The following IKZF2 variants were observed in gnomAD, a reference collection of about 807,000 sequenced individuals.
The protein encoded by IKZF2 is IKAROS family zinc finger 2, also known as zinc finger protein Helios.
In IKZF2, 15 loss-of-function variants were observed where a neutral mutation model predicts 49.2. The ratio of observed to expected loss-of-function variants is 0.30; its 90% CI spans 0.20 to 0.47. IKZF2 has a LOEUF of 0.47. Ranked by LOEUF, IKZF2 falls within the 20% of genes least tolerant of loss-of-function variation. The pLI is 1.00. For synonymous variants in IKZF2, 227 were observed against 221.4 expected (o/e 1.03, Z -0.23); for missense variants, 567 against 664.6 (o/e 0.85, Z 1.61).
At chr2:213,054,144 T>G (rs887066088) in intron 5 of IKZF2, among the ~76,000 whole-genome samples, 2 of 152,012 alleles carry the variant, frequency 1.3e-5, no homozygotes, top group African/African-American at 4.8e-5. Flanking sequence ...CTTTGGAGGC[T>G]GAGGCAGGAG....
intron 4 of IKZF2, among the ~76,000 whole-genome samples, chr2:213,111,233 T>C (rs962711788): frequency 6.6e-6 from 1 of 152,060 alleles, no homozygotes; most frequent in African/African-American, 2.4e-5. Context: ...CTATTACTTA[T>C]ATGGTTAACT....
rs1559150012 is a variant in IKZF2, at chr2:213,005,198, G to GT, written c.*2161_*2162insA. 3 of 128,302 alleles carry GT rather than the reference G, an allele frequency of 2.3e-5. 1 individual carries two copies. Among genetic ancestry groups the GT allele is most frequent in the African/African-American group, 8.4e-5 (3 of 35,648 alleles). 7.9% of individuals were successfully genotyped at this position (128,302 alleles called of 1,614,324 possible). A position where few individuals can be genotyped will look rare whatever the true frequency, so the allele number is the denominator to read the frequency against. On this transcript the variant is annotated 3_prime_UTR_variant, in exon 9 of 9. Coordinates refer to ENST00000434687, the MANE Select transcript of IKZF2 (RefSeq NM_001387220.1). The stretch of plus-strand genomic sequence containing the variant: ...TATTTGGGAGTGGTTGGGTGGGGGG[G>GT]GGTGAGCGAGTCTCAAAAACATGCT...
intron 4 of IKZF2, chr2:213,097,976 A>G: frequency 3.3e-6 from 1 of 307,166 alleles, no homozygotes. Flanking sequence ...AATTAGAGAA[A>G]GCTTTTTTTA....
rs1278144454 is a variant in IKZF2, at chr2:213,007,558, G to A, written c.1383C>T (p.Phe461=). Residue 461 remains phenylalanine, a synonymous_variant, in exon 9 of 9, where the codon TTC becomes TTT. Transcript: ENST00000434687. Reference sequence around the variant, plus strand: ...CCCTAATCTGTTCTCCTTCTCCATTGAAGACCTTGTAGATGTCCTTCAGAG... The same window carrying A: ...CCCTAATCTGTTCTCCTTCTCCATTAAAGACCTTGTAGATGTCCTTCAGAG... ...KGSLKDIYKV[F]NGEGEQIRAF... 6.2e-7 allele frequency: 1 copy of A among 1,613,672 alleles called. No homozygotes were observed. The highest frequency in any genetic ancestry group is 1.7e-5 in the Admixed American group (1 of 59,968).
At chr2:213,106,549 C>T (rs2059535143) in intron 4 of IKZF2, among the ~76,000 whole-genome samples, 1 of 149,762 alleles carries the variant, frequency 6.7e-6, no homozygotes, top group Non-Finnish European at 1.5e-5. Context: ...GTGAGAGGAT[C>T]TCTTGAGCCC....
chr2:213,092,481 G>T (rs1705461861), intron 4 of IKZF2, among the ~76,000 whole-genome samples: 1 of 152,162 alleles, frequency 6.6e-6, no homozygotes. Flanking sequence ...CACGCAGAGA[G>T]TTGGTAAACC....
intron 6 of IKZF2, among the ~76,000 whole-genome samples, chr2:213,031,745 A>T (rs1698456606): frequency 6.6e-6 from 1 of 152,222 alleles, no homozygotes; most frequent in South Asian, 2.1e-4. Context: ...CTTATTTTGA[A>T]CATTGCTAAT....
chr2:213,093,945 A>T (rs79167296), intron 4 of IKZF2, among the ~76,000 whole-genome samples: 1,918 of 152,294 alleles, frequency 0.013, 36 homozygotes, highest in African/African-American at 0.044. Context: ...GGAAGTTAGT[A>T]AAAGTTTCAA....
Position 213,007,576 on chromosome 2 carries a change from C to T in IKZF2, c.1365G>A (p.Lys455=), listed in dbSNP as rs1317547223. The change falls in exon 9 of 9, where the codon AAG becomes AAA. Residue 455 remains lysine (K), a synonymous_variant. Transcript: ENST00000434687. ...CTCCATTGAAGACCTTGTAGATGTCCTTCAGAGAGCCCTTAGGAGCCTTGG... is the reference window on the plus strand; with the variant it reads ...CTCCATTGAAGACCTTGTAGATGTCTTTCAGAGAGCCCTTAGGAGCCTTGG... ...DTTKAPKGSL[K]DIYKVFNGEG... is the part of the protein sequence containing the mutation. The T allele has an allele frequency of 3.7e-6, 6 of 1,613,578 alleles. No individual in the cohort carries two copies. The highest frequency in any genetic ancestry group is 5.1e-6 in the Non-Finnish European group (6 of 1,179,748).
At chr2:213,054,573 T>C (rs1700969825) in intron 5 of IKZF2, among the ~76,000 whole-genome samples, 2 of 152,308 alleles carry the variant, frequency 1.3e-5, no homozygotes, top group East Asian at 3.9e-4. Context: ...TTGAAGTGTC[T>C]AGTTTAATGA....
chr2:213,110,008 C>G (rs569519589), intron 4 of IKZF2, among the ~76,000 whole-genome samples: 1 of 152,078 alleles, frequency 6.6e-6, no homozygotes, highest in South Asian at 2.1e-4. Flanking sequence ...AACAAATGAT[C>G]TGAGTGTAAG....
chr2:213,096,835 C>A (rs1049443681), intron 4 of IKZF2, among the ~76,000 whole-genome samples: 13 of 151,900 alleles, frequency 8.6e-5, no homozygotes, highest in Admixed American at 2.6e-4. Flanking sequence ...AACAACATTA[C>A]CAATGTAATG....
At chr2:213,110,506 T>G (rs2059670564) in intron 4 of IKZF2, among the ~76,000 whole-genome samples, 1 of 151,980 alleles carries the variant, frequency 6.6e-6, no homozygotes, top group Non-Finnish European at 1.5e-5. Context: ...TTCTTATTTT[T>G]TATATACTTG....
intron 7 of IKZF2, among the ~76,000 whole-genome samples, chr2:213,019,214 T>G (rs188323560): frequency 6.6e-5 from 10 of 152,292 alleles, no homozygotes; most frequent in African/African-American, 2.4e-4. Context: ...GAAATATAAC[T>G]ATGTCAGATA....
At chr2:213,045,070 C>T (rs1296190169) in intron 6 of IKZF2, among the ~76,000 whole-genome samples, 1 of 152,150 alleles carries the variant, frequency 6.6e-6, no homozygotes, top group African/African-American at 2.4e-5. Flanking sequence ...AGGCTAGTGG[C>T]TACCATATTG....
At chr2:213,080,095 G>A (rs1011190012) in intron 4 of IKZF2, among the ~76,000 whole-genome samples, 1 of 151,686 alleles carries the variant, frequency 6.6e-6, no homozygotes, top group South Asian at 2.1e-4. Flanking sequence ...AGGAACAAAA[G>A]AAATAAAAAC....
rs190701247 is a variant in IKZF2, at chr2:213,151,612, C to A, written c.-319G>T. 1.3e-5 allele frequency: 2 copies of A among 152,388 alleles called. No individual in the cohort carries two copies. Among genetic ancestry groups the A allele is most frequent in the East Asian group, 1.9e-4 (1 of 5,164 alleles). 9.4% of individuals were successfully genotyped at this position (152,388 alleles called of 1,614,324 possible). A position where few individuals can be genotyped will look rare whatever the true frequency, so the allele number is the denominator to read the frequency against. On this transcript the variant is annotated 5_prime_UTR_variant, in exon 1 of 9. Transcript: ENST00000434687. ...CATCTTCAGCGAGGAGCAGGGTTAG[C>A]CCGGGACAGCTGGTCAAACCCCGAG...
In IKZF2 at chr2:213,027,548, C is replaced by G. The variant is rs947059676; in HGVS notation, c.575-5418G>C. Reference sequence around the variant, plus strand: ...TTGCCTTCTCACAACCATTGGCACCCCTTTCTCCAGTTGGAACTGATGGTA... The same window carrying G: ...TTGCCTTCTCACAACCATTGGCACCGCTTTCTCCAGTTGGAACTGATGGTA... On this transcript the variant is annotated intron_variant, in intron 6 of 8. Coordinates refer to ENST00000434687, the MANE Select transcript of IKZF2 (RefSeq NM_001387220.1). Among the ~76,000 whole-genome samples, 3 of 152,128 alleles carry G rather than the reference C, an allele frequency of 2.0e-5. No individual in the cohort carries two copies. The South Asian group carries it at 6.2e-4, about 32-fold the overall frequency.
intron 6 of IKZF2, among the ~76,000 whole-genome samples, chr2:213,030,089 C>T (rs983592593): frequency 7.9e-5 from 12 of 152,110 alleles, no homozygotes; most frequent in Admixed American, 3.3e-4. Flanking sequence ...TATATATTAA[C>T]GCCTTTGACT....
Sources: gnomAD v4.1 joint callset for allele counts (sites outside exome capture counted in the v4.1 genomes callset) on GRCh38, gnomAD v4.1.1 for gene constraint, MANE v1.5 for transcripts, NCBI Gene and HGNC (gene_info 2026-07-23, HGNC 2026-07-21) for gene names.